The following PAM variants were observed in gnomAD, a reference collection of about 807,000 sequenced individuals.
PAM encodes peptidyl-glycine alpha-amidating monooxygenase.
Under a neutral mutation model 122.1 loss-of-function variants are expected in PAM, and 72 were observed. The observed-to-expected ratio is 0.59, with a 90% CI of 0.49 to 0.72. The LOEUF is 0.72. Ranked by LOEUF, PAM falls within the 30% of genes least tolerant of loss-of-function variation. The pLI is 0.00. For synonymous variants in PAM, 389 were observed against 404.4 expected (o/e 0.96, Z 0.46); for missense variants, 1,106 against 1,183.7 (o/e 0.93, Z 0.96).
At chr5:102,910,049 A>G (rs1294929650) in intron 4 of PAM, among the ~76,000 whole-genome samples, 2 of 151,834 alleles carry the variant, frequency 1.3e-5, no homozygotes, top group African/African-American at 4.8e-5. Context: ...TGGTTTCTCT[A>G]CTTGGTTATG....
At chr5:102,972,505 C>T (rs921113642) in intron 14 of PAM, among the ~76,000 whole-genome samples, 1 of 152,092 alleles carries the variant, frequency 6.6e-6, no homozygotes, top group African/African-American at 2.4e-5. Context: ...TGGTCTCGAG[C>T]TCCTGGGCTC....
At chr5:102,875,189 C>T (rs915528349) in intron 3 of PAM, among the ~76,000 whole-genome samples, 1 of 149,796 alleles carries the variant, frequency 6.7e-6, no homozygotes, top group Non-Finnish European at 1.5e-5. Flanking sequence ...AAATTATTAT[C>T]ATTATTATTA....
chr5:102,903,269 G>A (rs1427165218), intron 4 of PAM, among the ~76,000 whole-genome samples: 1 of 151,476 alleles, frequency 6.6e-6, no homozygotes, highest in Non-Finnish European at 1.5e-5. Context: ...CATCTTCTGT[G>A]TGAGTCCTTT....
intron 1 of PAM, among the ~76,000 whole-genome samples, chr5:102,761,129 TCA>T (rs1218802790): frequency 6.6e-6 from 1 of 152,210 alleles, no homozygotes; most frequent in East Asian, 1.9e-4. Flanking sequence ...TGGTGTGGTC[TCA>T]CAGAAAGGAT....
chr5:102,929,821 A>G lies in PAM; in HGVS notation c.526+3153A>G, dbSNP rs1309882123. Among the ~76,000 whole-genome samples the G allele has an allele frequency of 2.0e-5, 3 of 152,072 alleles. No homozygotes were observed. The East Asian group carries it at 5.8e-4, about 29-fold the overall frequency. ...AGGACAGCTTTGAATGCGGCCCAAC[A>G]CAAATTCATAAACTTTCTTAAAACA... On this transcript the variant is annotated intron_variant, in intron 7 of 25. Coordinates refer to ENST00000438793, the MANE Select transcript of PAM (RefSeq NM_001177306.2).
intron 3 of PAM, among the ~76,000 whole-genome samples, chr5:102,892,224 A>G (rs1396620767): frequency 6.6e-6 from 1 of 151,868 alleles, no homozygotes; most frequent in Non-Finnish European, 1.5e-5. Flanking sequence ...TACTGCAACC[A>G]TCTTGTGATC....
Position 102,866,245 on chromosome 5 carries a change from G to A in PAM, c.50G>A (p.Ser17Asn), listed in dbSNP as rs1785515769. ...CTAGTTCTCCTTGTTTTTCCAAGCA[G>A]CTGTTTGGCTTTCCGAAGCCCACTT... ...SLLVLLVFPS[S>N]CLAFRSPLSV... Residue 17 changes from serine to asparagine, a missense_variant, in exon 2 of 26, where the codon AGC (serine) becomes AAC (asparagine). Transcript: ENST00000438793. 1 of 1,613,882 alleles carries A rather than the reference G, an allele frequency of 6.2e-7. No individual in the cohort carries two copies. Among genetic ancestry groups the A allele is most frequent in the Admixed American group, 1.7e-5 (1 of 60,026 alleles).
At chr5:102,889,164 C>A (rs995137322) in intron 3 of PAM, among the ~76,000 whole-genome samples, 1 of 151,922 alleles carries the variant, frequency 6.6e-6, no homozygotes, top group Admixed American at 6.6e-5. Context: ...GCCTGCTCCA[C>A]GCTCCAGGAG....
rs531175545 is a variant in PAM, at chr5:102,805,066, T to C, written c.-374+49718T>C. On this transcript the variant is annotated intron_variant, in intron 1 of 25. Transcript: ENST00000438793. ...GTTTCTTATGAAAGGGAATTTTCCT[T>C]TTTTTTTTTTTTTTTTTTTTTTGAG... Among the ~76,000 whole-genome samples the C allele has an allele frequency of 0.012, 218 of 17,734 alleles. 2 individuals carry two copies. In the East Asian group the frequency reaches 0.19, roughly 15 times the overall value. 11.6% of individuals were successfully genotyped at this position (17,734 alleles called of 152,430 possible). A position where few individuals can be genotyped will look rare whatever the true frequency, so the allele number is the denominator to read the frequency against.
intron 23 of PAM, among the ~76,000 whole-genome samples, chr5:103,024,772 C>T (rs571009281): frequency 1.2e-4 from 19 of 152,130 alleles, no homozygotes; most frequent in African/African-American, 4.6e-4. Context: ...GGATTTGTAC[C>T]CAGGTTTGTT....
intron 12 of PAM, among the ~76,000 whole-genome samples, chr5:102,954,034 C>T (rs1306171950): frequency 6.6e-6 from 1 of 151,192 alleles, no homozygotes; most frequent in African/African-American, 2.4e-5. Flanking sequence ...GTCTCCGTCT[C>T]AAAATAAAAA....
intron 1 of PAM, among the ~76,000 whole-genome samples, chr5:102,823,977 A>T (rs377369944): frequency 5.9e-5 from 9 of 152,176 alleles, no homozygotes; most frequent in Admixed American, 3.3e-4. Context: ...TTTTCTTTGT[A>T]TGTTTATTAA....
chr5:102,866,145 C>G lies in PAM; in HGVS notation c.-51C>G. Reference sequence around the variant, plus strand: ...CCGCTGCCCAACCGCCAGCCCCAGCCCCGCGCTGCGCTGCCCGGTCCTCTC... The same window carrying G: ...CCGCTGCCCAACCGCCAGCCCCAGCGCCGCGCTGCGCTGCCCGGTCCTCTC... On this transcript the variant is annotated 5_prime_UTR_variant, in exon 2 of 26. Coordinates refer to ENST00000438793, the MANE Select transcript of PAM (RefSeq NM_001177306.2). The G allele has an allele frequency of 7.5e-7, 1 of 1,338,498 alleles. No individual in the cohort carries two copies. Among genetic ancestry groups the G allele is most frequent in the Non-Finnish European group, 1.1e-6 (1 of 938,470 alleles). The allele number at this position is 1,338,498 out of a possible 1,614,324, so 82.9% of individuals were successfully genotyped here.
intron 16 of PAM, among the ~76,000 whole-genome samples, chr5:102,999,660 A>G (rs1385808379): frequency 1.3e-5 from 2 of 152,240 alleles, no homozygotes. Flanking sequence ...AGAGGTTCCC[A>G]AACCTCAGTT....
intron 16 of PAM, among the ~76,000 whole-genome samples, chr5:102,995,887 T>C (rs1775557836): frequency 6.6e-6 from 1 of 152,008 alleles, no homozygotes; most frequent in African/African-American, 2.4e-5. Context: ...TCTCTGGCCT[T>C]TGTATATCTT....
Position 102,803,209 on chromosome 5 carries a change from AGAAG to A in PAM, c.-374+47883_-374+47886del, listed in dbSNP as rs796322267. ...AGGAAGGAAGGAAGGAAGGAAGGAA[AGAAG>A]GAAGGAAGGAAGGAAGGAAGGGAAA... On this transcript the variant is annotated intron_variant, in intron 1 of 25. Coordinates refer to ENST00000438793, the MANE Select transcript of PAM (RefSeq NM_001177306.2). Among the ~76,000 whole-genome samples the A allele has an allele frequency of 7.1e-4, 22 of 31,176 alleles. 1 individual carries two copies. Among genetic ancestry groups the A allele is most frequent in the African/African-American group, 1.7e-3 (19 of 11,072 alleles). The allele number at this position is 31,176 out of a possible 152,430, so 20.5% of individuals were successfully genotyped here. A position where few individuals can be genotyped will look rare whatever the true frequency, so the allele number is the denominator to read the frequency against.
rs1350831651 is a variant in PAM, at chr5:102,884,085, A to G, written c.210+16692A>G. On this transcript the variant is annotated intron_variant, in intron 3 of 25. Transcript: ENST00000438793. The stretch of plus-strand genomic sequence containing the variant: ...AATATACATGTGTCTGTTTGGTTAT[A>G]TAGTTTTAAACTAGCAAGGAGTAAG... 4.0e-5 allele frequency among the ~76,000 whole-genome samples: 6 copies of G among 151,880 alleles called. No individual in the cohort carries two copies. In the East Asian group the frequency reaches 1.2e-3, roughly 29 times the overall value.
At chr5:102,936,510 T>C (rs1014479145) in intron 7 of PAM, among the ~76,000 whole-genome samples, 1 of 152,132 alleles carries the variant, frequency 6.6e-6, no homozygotes, top group Non-Finnish European at 1.5e-5. Flanking sequence ...TAAACAAATA[T>C]TTTTGTTTCA....
At chr5:103,008,867 CAGTT>C (rs1779812962) in intron 20 of PAM, among the ~76,000 whole-genome samples, 1 of 151,948 alleles carries the variant, frequency 6.6e-6, no homozygotes, top group South Asian at 2.1e-4. Flanking sequence ...AGAAAATTAT[CAGTT>C]GAGAAGGAAT....
Sources: allele counts gnomAD v4.1 joint callset (sites outside exome capture counted in the v4.1 genomes callset), GRCh38; gene constraint gnomAD v4.1.1; transcripts MANE v1.5; gene names NCBI Gene and HGNC (gene_info 2026-07-23, HGNC 2026-07-21).